Variants in KCNIP3 observed in about 807,000 individuals in gnomAD.
KCNIP3 encodes the protein potassium voltage-gated channel interacting protein 3.
In KCNIP3, 28 loss-of-function variants were observed where a neutral mutation model predicts 35.0. The ratio of observed to expected loss-of-function variants is 0.80; its 90% confidence interval spans 0.59 to 1.10. The LOEUF (loss-of-function observed/expected upper bound fraction) is 1.10. Among genes scored for constraint, KCNIP3 ranks in the 50% least tolerant of loss-of-function variants. KCNIP3 has a pLI of 0.00. For missense variants in KCNIP3, 295 were observed against 338.4 expected, an observed-to-expected ratio of 0.87 and a Z score of 1.01; for synonymous variants, 134 against 133.8, an observed-to-expected ratio of 1.00 and a Z score of -0.01.
intron 2 of KCNIP3, among the ~76,000 whole-genome samples, chr2:95,332,392 T>C (rs935549036): frequency 1.3e-5 from 2 of 152,280 alleles, no homozygotes; most frequent in Non-Finnish European, 2.9e-5. Context: ...GGCGGGTGGA[T>C]GACCTGAGGT....
chr2:95,345,930 C>G (rs1332989173), intron 2 of KCNIP3, among the ~76,000 whole-genome samples: 1 of 152,256 alleles, frequency 6.6e-6, no homozygotes, highest in Non-Finnish European at 1.5e-5. Context: ...CTCTTCCCCG[C>G]CGCCCGAAGG....
At chr2:95,332,018 G>A (rs1025497768) in intron 2 of KCNIP3, among the ~76,000 whole-genome samples, 3 of 152,224 alleles carry the variant, frequency 2.0e-5, no homozygotes, top group African/African-American at 7.2e-5. Context: ...TCCCCGCCCC[G>A]TTCTCTTCCA....
At chr2:95,323,293 C>T (rs981569743) in intron 2 of KCNIP3, among the ~76,000 whole-genome samples, 13 of 152,160 alleles carry the variant, frequency 8.5e-5, no homozygotes, top group African/African-American at 3.1e-4. Flanking sequence ...CTCTGGGGTG[C>T]AGGAGGTTGG....
At chr2:95,321,735 CTG>C (rs753653701) in intron 2 of KCNIP3, among the ~76,000 whole-genome samples, 5 of 152,148 alleles carry the variant, frequency 3.3e-5, no homozygotes, top group Non-Finnish European at 7.3e-5. Flanking sequence ...GGATATGAAA[CTG>C]AGAAAGACCC....
intron 2 of KCNIP3, chr2:95,347,086 A>G: frequency 6.2e-7 from 1 of 1,611,866 alleles, no homozygotes; most frequent in Middle Eastern, 1.7e-4. Flanking sequence ...CGCCGTCCTC[A>G]AGCAGTTCGG....
intron 2 of KCNIP3, among the ~76,000 whole-genome samples, chr2:95,367,280 TAATAA>T (rs778859626): frequency 2.6e-4 from 40 of 152,116 alleles, no homozygotes; most frequent in Middle Eastern, 3.2e-3. Context: ...CTTAAAAAAA[TAATAA>T]AATAAAATAA....
At chr2:95,347,293 G>C (rs1359536535) in intron 2 of KCNIP3, among the ~76,000 whole-genome samples, 3 of 152,210 alleles carry the variant, frequency 2.0e-5, no homozygotes, top group Non-Finnish European at 4.4e-5. Flanking sequence ...CGTAGTCCCA[G>C]GAAGCCCCAG....
rs760327958 is a variant in KCNIP3, at chr2:95,381,573, C to T, written c.448-23C>T. 6.4e-6 allele frequency: 10 copies of T among 1,562,426 alleles called. No individual in the cohort carries two copies. In the East Asian group the frequency reaches 9.0e-5, roughly 14 times the overall value. ...CCTGGGCATTGATTGGATGTCACGC[C>T]CCACACTCTCCTTTCCCCATAGGAC... is the stretch of plus-strand genomic sequence containing the variant. On this transcript the variant is annotated intron_variant, in intron 5 of 8. Transcript: ENST00000295225.
chr2:95,308,063 CT>C (rs1678221164), intron 1 of KCNIP3, among the ~76,000 whole-genome samples: 1 of 152,034 alleles, frequency 6.6e-6, no homozygotes, highest in South Asian at 2.1e-4. Flanking sequence ...TGCATGTGTG[CT>C]TGTGTGTGCA....
intron 2 of KCNIP3, among the ~76,000 whole-genome samples, chr2:95,331,395 C>A (rs542641934): frequency 1.3e-5 from 2 of 152,156 alleles, no homozygotes; most frequent in South Asian, 4.2e-4. Flanking sequence ...TTGGTGGTAG[C>A]ATTTCAAGTC....
At chr2:95,299,532 C>G (rs1367004067) in intron 1 of KCNIP3, among the ~76,000 whole-genome samples, 1 of 152,192 alleles carries the variant, frequency 6.6e-6, no homozygotes, top group Non-Finnish European at 1.5e-5. Context: ...GGAGGCACTG[C>G]CATTCCTATT....
At chr2:95,308,930 G>C (rs1374858014) in intron 1 of KCNIP3, among the ~76,000 whole-genome samples, 1 of 152,188 alleles carries the variant, frequency 6.6e-6, no homozygotes, top group African/African-American at 2.4e-5. Flanking sequence ...TTTCAGGACC[G>C]TGCAAAGGTA....
intron 2 of KCNIP3, among the ~76,000 whole-genome samples, chr2:95,322,271 C>A (rs1678614393): frequency 6.6e-6 from 1 of 152,118 alleles, no homozygotes; most frequent in Admixed American, 6.6e-5. Context: ...GGAACATGGG[C>A]AGATCGCTTG....
At chr2:95,373,485 C>T (rs978155117) in intron 2 of KCNIP3, among the ~76,000 whole-genome samples, 1 of 133,448 alleles carries the variant, frequency 7.5e-6, no homozygotes, top group African/African-American at 2.8e-5. Flanking sequence ...TTCAGTGGCG[C>T]GATCGCGGCT....
At chr2:95,348,548 G>T (rs1679434596) in intron 2 of KCNIP3, among the ~76,000 whole-genome samples, 1 of 152,226 alleles carries the variant, frequency 6.6e-6, no homozygotes, top group African/African-American at 2.4e-5. Flanking sequence ...GCAACAGCCA[G>T]CCTCACTTCA....
chr2:95,357,659 C>T (rs1233903050), intron 2 of KCNIP3, among the ~76,000 whole-genome samples: 2 of 152,212 alleles, frequency 1.3e-5, no homozygotes, highest in Non-Finnish European at 1.5e-5. Flanking sequence ...CCAAGGCTCT[C>T]AGTGGACCCA....
At chr2:95,341,182 C>G (rs749541414) in intron 2 of KCNIP3, among the ~76,000 whole-genome samples, 2 of 152,190 alleles carry the variant, frequency 1.3e-5, no homozygotes, top group East Asian at 1.9e-4. Flanking sequence ...CCACTTGGAG[C>G]TGTTCTCACG....
chr2:95,364,556 C>T (rs561527938), intron 2 of KCNIP3, among the ~76,000 whole-genome samples: 5 of 152,108 alleles, frequency 3.3e-5, no homozygotes, highest in South Asian at 2.1e-4. Context: ...ATCACGGGCG[C>T]GGATCCCTCC....
chr2:95,327,009 C>T lies in KCNIP3; in HGVS notation c.181+16489C>T, dbSNP rs910186545. The stretch of plus-strand genomic sequence containing the variant: ...TGCTCCCTCTTATCACCACAGTGCT[C>T]GGCACGTGCCGGCTGCCCAGTCAGA... On this transcript the variant is annotated intron_variant, in intron 2 of 8. Coordinates refer to ENST00000295225, the MANE Select transcript of KCNIP3 (RefSeq NM_013434.5). Among the ~76,000 whole-genome samples, 4 of 152,288 alleles carry T rather than the reference C, an allele frequency of 2.6e-5. No individual in the cohort carries two copies. The East Asian group carries it at 7.7e-4, about 30-fold the overall frequency.
Sources: gnomAD v4.1 joint callset for allele counts (sites outside exome capture counted in the v4.1 genomes callset) on GRCh38, gnomAD v4.1.1 for gene constraint, MANE v1.5 for transcripts, NCBI Gene and HGNC (gene_info 2026-07-23, HGNC 2026-07-21) for gene names.